PRH1: variants seen among roughly 807,000 people sequenced by gnomAD.
PRH1 encodes the protein proline rich protein HaeIII subfamily 1.
In PRH1, 7 loss-of-function variants were observed where a neutral mutation model predicts 7.9. That is an observed-to-expected ratio of 0.89 (90% CI 0.50 to 1.67). The LOEUF (loss-of-function observed/expected upper bound fraction) is 1.67. Ranked by LOEUF, PRH1 falls within the 40% of genes most tolerant of loss-of-function variation. PRH1 has a pLI of 0.00. For missense variants in PRH1, 109 were observed against 223.6 expected (o/e 0.49, Z 3.27); for synonymous variants, 45 against 80.8 (o/e 0.56, Z 2.38).
At chr12:10,886,536 A>T (rs1439609732), upstream of PRH1, among the ~76,000 whole-genome samples, 3 of 152,182 alleles carry the variant, frequency 2.0e-5, no homozygotes, top group Non-Finnish European at 4.4e-5. Flanking sequence ...GTAATGGAAG[A>T]GCTGAAAGGG....
intron 1 of PRH1, among the ~76,000 whole-genome samples, chr12:11,030,145 T>C (rs1468445873): frequency 2.6e-5 from 4 of 152,288 alleles, no homozygotes; most frequent in Admixed American, 6.5e-5. Flanking sequence ...TTGTCATATT[T>C]TGTATAATTT....
intron 1 of PRH1, among the ~76,000 whole-genome samples, chr12:11,023,449 T>C (rs1250444368): frequency 1.3e-5 from 2 of 151,740 alleles, no homozygotes; most frequent in Non-Finnish European, 2.9e-5. Flanking sequence ...TAAACATTAA[T>C]TATTTAATTA....
rs544004171 is a variant in PRH1 at position 11,110,030 on chromosome 12, T to C, written n.123+61392A>G. Among the ~76,000 whole-genome samples the C allele has an allele frequency of 4.6e-5, 7 of 151,956 alleles. No individual in the cohort carries two copies. The East Asian group carries it at 1.4e-3, about 29-fold the overall frequency. ...GAGAACTTTGTGAAGCATACACAAA[T>C]ATCAATAGGTGAACCAATCAAGCGG... On this transcript the variant is annotated intron_variant and non_coding_transcript_variant, in intron 1 of 4. Transcript: ENST00000541977.
intron 1 of PRH1, chr12:11,158,837 G>C (rs992563999): frequency 2.0e-5 from 3 of 152,142 alleles, no homozygotes; most frequent in African/African-American, 7.2e-5. Flanking sequence ...TAGTCTCAAG[G>C]AGCTCTGTCT....
At chr12:11,014,940 G>A (rs1279678825) in intron 1 of PRH1, among the ~76,000 whole-genome samples, 2 of 152,050 alleles carry the variant, frequency 1.3e-5, no homozygotes, top group Non-Finnish European at 1.5e-5. Flanking sequence ...TTGTCACACT[G>A]CCTCTCTAAA....
At chr12:11,045,877 ATC>A (rs1431383716) in intron 1 of PRH1, among the ~76,000 whole-genome samples, 1 of 142,490 alleles carries the variant, frequency 7.0e-6, no homozygotes, top group African/African-American at 2.6e-5. Context: ...GTGGTCACCA[ATC>A]AAAGGTTATA....
chr12:10,922,641 C>A (rs1034754864), intron 2 of PRH1, among the ~76,000 whole-genome samples: 3 of 151,926 alleles, frequency 2.0e-5, no homozygotes, highest in Non-Finnish European at 4.4e-5. Context: ...TAATTGCATT[C>A]TTAAAATATT....
chr12:11,104,223 T>C (rs999914592), intron 1 of PRH1, among the ~76,000 whole-genome samples: 4 of 132,868 alleles, frequency 3.0e-5, no homozygotes, highest in African/African-American at 7.6e-5. Context: ...TAGAATTTGC[T>C]AGCAATCCAG....
Position 10,997,284 on chromosome 12 carries a change from A to G in PRH1, c.-125-23563T>C, listed in dbSNP as rs143389700. ...AGATGTTTACACAGAGAGTAGATTA[A>G]CAGCAGAAAAGATATCAGGGTCAGA... On this transcript the variant is annotated intron_variant, in intron 1 of 3. Transcript: ENST00000539853. 1.1e-3 allele frequency: 1,720 copies of G among 1,614,136 alleles called. 13 individuals carry two copies. In the African/African-American group the frequency reaches 0.02, roughly 19 times the overall value.
intron 1 of PRH1, among the ~76,000 whole-genome samples, chr12:11,151,411 C>G (rs1947078704): frequency 6.6e-6 from 1 of 152,140 alleles, no homozygotes; most frequent in African/African-American, 2.4e-5. Context: ...CCTGGAAACT[C>G]TGACCAATGA....
rs545222432 is a variant in PRH1, at chr12:11,009,023, T to C, written c.-125-35302A>G. On this transcript the variant is annotated intron_variant, in intron 1 of 3. Transcript: ENST00000539853. ...TATATCTTATCAATTACACCTTTAG[T>C]CCAACAAGAAGATACTATTATTTTA... 2.7e-4 allele frequency among the ~76,000 whole-genome samples: 36 copies of C among 132,908 alleles called. 2 individuals are homozygous for C. In the South Asian group the frequency reaches 0.013, roughly 47 times the overall value. The allele number at this position is 132,908 out of a possible 152,430, so 87.2% of individuals were successfully genotyped here. A position where few individuals can be genotyped will look rare whatever the true frequency, so the allele number is the denominator to read the frequency against.
upstream of PRH1, among the ~76,000 whole-genome samples, chr12:10,887,824 G>A (rs12297431): frequency 7.9e-4 from 120 of 152,056 alleles, no homozygotes; most frequent in Middle Eastern, 3.2e-3. Flanking sequence ...CAGTTTAACC[G>A]GATGTTGTCG....
chr12:10,906,872 T>C (rs538117494), intron 2 of PRH1, among the ~76,000 whole-genome samples: 1 of 152,290 alleles, frequency 6.6e-6, no homozygotes, highest in South Asian at 2.1e-4. Context: ...ATAAAGAACA[T>C]TTACAACTCA....
intron 1 of PRH1, among the ~76,000 whole-genome samples, chr12:11,033,262 G>T (rs1392748695): frequency 1.3e-5 from 2 of 152,134 alleles, no homozygotes; most frequent in Non-Finnish European, 2.9e-5. Context: ...AGCTACTCGG[G>T]AGGCTGAGGC....
chr12:10,986,747 T>C (rs1254365868), intron 1 of PRH1: 3 of 1,612,340 alleles, frequency 1.9e-6, no homozygotes, highest in South Asian at 2.2e-5. Context: ...AGATCTTTTT[T>C]CTCTTCACCC....
Position 10,884,137 on chromosome 12 carries a change from C to T in PRH1, c.64+17G>A. On this transcript the variant is annotated intron_variant, in intron 1 of 3. Coordinates refer to ENST00000543626, the MANE Select transcript of PRH1 (RefSeq NM_001393989.1). ...ACCCCAATCAGAGTCACAATATCTT[C>T]CCCCAATTCATCTTACCTTCATTTA... 1 of 1,614,098 alleles carries T rather than the reference C, an allele frequency of 6.2e-7. No homozygotes were observed. Among genetic ancestry groups the T allele is most frequent in the Non-Finnish European group, 8.5e-7 (1 of 1,179,954 alleles).
At chr12:11,150,662 G>T (rs1947049979) in intron 1 of PRH1, among the ~76,000 whole-genome samples, 1 of 152,008 alleles carries the variant, frequency 6.6e-6, no homozygotes, top group Admixed American at 6.5e-5. Context: ...ACATTCTGGG[G>T]ACAGTTGTGG....
At chr12:11,026,626 T>C (rs1475679701) in intron 1 of PRH1, among the ~76,000 whole-genome samples, 1 of 152,002 alleles carries the variant, frequency 6.6e-6, no homozygotes, top group Non-Finnish European at 1.5e-5. Context: ...CACTTGAAAG[T>C]TACAGGGGAT....
At chr12:11,049,375 C>A, upstream of PRH1, 1 of 243,490 alleles carries the variant, frequency 4.1e-6, no homozygotes, top group Non-Finnish European at 7.9e-6. Context: ...GTAACATTTT[C>A]TGCCTTTAAA....
Sources: allele counts gnomAD v4.1 joint callset (sites outside exome capture counted in the v4.1 genomes callset), GRCh38; gene constraint gnomAD v4.1.1; transcripts MANE v1.5; gene names NCBI Gene and HGNC (gene_info 2026-07-23, HGNC 2026-07-21).